Variants in SUN2 observed in about 807,000 individuals in gnomAD.
The protein encoded by SUN2 is Sad1 and UNC84 domain containing 2, also known as SUN domain-containing protein 2.
Under a neutral mutation model 100.0 loss-of-function variants are expected in SUN2, and 60 were observed. That is an observed-to-expected ratio of 0.60 (90% CI 0.49 to 0.74). The LOEUF (loss-of-function observed/expected upper bound fraction) is 0.74. SUN2 is among the 30% of genes least tolerant of loss of function. The pLI is 0.00. For missense variants in SUN2, 834 were observed against 954.6 expected (o/e 0.87, Z 1.66); for synonymous variants, 367 against 403.3 (o/e 0.91, Z 1.08).
intron 6 of SUN2, 110 bp from the exon 7 acceptor site, chr22:38,748,893 A>G: frequency 1.9e-6 from 2 of 1,072,058 alleles, no homozygotes; most frequent in East Asian, 4.8e-5. Context: ...GTGCTGAACT[A>G]GAGCTAAGGA....
Position 38,739,418 on chromosome 22 carries a change from G to C in SUN2, c.1587C>G (p.His529Gln). 1 of 1,613,026 alleles carries C rather than the reference G, an allele frequency of 6.2e-7. No individual in the cohort carries two copies. Among genetic ancestry groups the C allele is most frequent in the Admixed American group, 1.7e-5 (1 of 60,030 alleles). Residue 529 changes from histidine to glutamine, a missense_variant, in exon 14 of 18, where the codon CAC (histidine) becomes CAG (glutamine). His to Gln is a conservative substitution (Grantham distance 24, BLOSUM62 0). Around this residue, in one of 3 missense-constraint regions of SUN2, gnomAD observed 195 missense variants for 280.2 expected, o/e 0.70. Coordinates refer to ENST00000689035, the MANE Select transcript of SUN2 (RefSeq NM_015374.3). The surrounding 1 kb of genome is among the most constrained non-coding windows in gnomAD (Gnocchi z 6.7). ...GCTGCAGGGCCTGCTTCACGATGTG[G>C]TGCACCTGCTGCAATGCAGGCACCA... is the stretch of plus-strand genomic sequence containing the variant. ...GVIGVTEEQV[H>Q]HIVKQALQRY...
At chr22:38,741,440 G>T in intron 10 of SUN2, 54 bp downstream of exon 10, 1 of 1,565,074 alleles carries the variant, frequency 6.4e-7, no homozygotes. Flanking sequence ...AGGTGAACAT[G>T]TTGGATGGGG....
chr22:38,753,242 G>A (rs1331418367), intron 1 of SUN2, among the ~76,000 whole-genome samples: 21 of 131,330 alleles, frequency 1.6e-4, no homozygotes, highest in African/African-American at 6.2e-4. Flanking sequence ...TTGAGATGGA[G>A]TCTCGCGCTG....
chr22:38,748,556 G>A (rs182005332), intron 7 of SUN2, among the ~76,000 whole-genome samples, 157 bp downstream of exon 7: 28 of 152,308 alleles, frequency 1.8e-4, no homozygotes, highest in Admixed American at 3.9e-4. Flanking sequence ...GAGAGGTGGG[G>A]AGGGCCATGC....
chr22:38,749,075 T>G, intron 6 of SUN2: 1 of 373,240 alleles, frequency 2.7e-6, no homozygotes. Flanking sequence ...GTCCTCTAAG[T>G]ATGCAAATAT....
Position 38,747,415 on chromosome 22 carries a change from G to A in SUN2, c.685+1298C>T, listed in dbSNP as rs1350025656. On this transcript the variant is annotated intron_variant, in intron 7 of 17. Transcript: ENST00000689035. ...CACTGGATATGAACCAGCTGTTCTT[G>A]TAGCAGCAAACACAAAAACGAAGCT... 2.7e-4 allele frequency among the ~76,000 whole-genome samples: 41 copies of A among 151,852 alleles called. 1 individual carries two copies. The highest frequency in any genetic ancestry group is 2.7e-3 in the Admixed American group (41 of 15,232).
At chr22:38,741,289 C>T (rs987642392) in intron 10 of SUN2, among the ~76,000 whole-genome samples, 1 of 152,164 alleles carries the variant, frequency 6.6e-6, no homozygotes, top group African/African-American at 2.4e-5. Context: ...CATGACAGGC[C>T]GCTGTGCCCT....
At position 38,739,183 on chromosome 22, in the gene SUN2, C is replaced by T; in HGVS notation, c.1663+159G>A. The T allele has an allele frequency of 1.1e-6, 1 of 932,624 alleles. No homozygotes were observed. Among genetic ancestry groups the T allele is most frequent in the East Asian group, 2.6e-5 (1 of 38,268 alleles). The allele number at this position is 932,624 out of a possible 1,614,324, so 57.8% of individuals were successfully genotyped here. On this transcript the variant is annotated intron_variant, in intron 14 of 17. Coordinates refer to ENST00000689035, the MANE Select transcript of SUN2 (RefSeq NM_015374.3). The surrounding 1 kb of genome is among the most constrained non-coding windows in gnomAD (Gnocchi z 6.7). ...ATGGTACTCGGTACGTCCTGACTTCCCTGAATTGCCACTTGCCTTTGTCAT... is the reference window on the plus strand; with the variant it reads ...ATGGTACTCGGTACGTCCTGACTTCTCTGAATTGCCACTTGCCTTTGTCAT...
Position 38,751,359 on chromosome 22 carries a change from T to A in SUN2, c.137A>T (p.Lys46Ile). Reference sequence around the variant, plus strand: ...GGACAGGCGCTTCATGTTGCTGGATTTCCTCTTCAAGGTCCTGTGGGACAA... The same window carrying A: ...GGACAGGCGCTTCATGTTGCTGGATATCCTCTTCAAGGTCCTGTGGGACAA... Reference protein sequence around the residue: ...KDSPLRTLKRKSSNMKRLSPA... With the variant: ...KDSPLRTLKRISSNMKRLSPA... Residue 46 changes from lysine to isoleucine, a missense_variant, in exon 3 of 18, where the codon AAA (lysine) becomes ATA (isoleucine). Lys to Ile is a moderately radical substitution (Grantham distance 102). Transcript: ENST00000689035. 6.2e-7 allele frequency: 1 copy of A among 1,613,736 alleles called. No homozygotes were observed. The highest frequency in any genetic ancestry group is 1.3e-5 in the African/African-American group (1 of 75,032).
intron 8 of SUN2, among the ~76,000 whole-genome samples, chr22:38,744,824 G>C (rs1042584066): frequency 3.9e-5 from 6 of 152,186 alleles, no homozygotes; most frequent in Non-Finnish European, 5.9e-5. Context: ...TAAATTGTCA[G>C]TATCAGTACC....
At position 38,755,975 on chromosome 22, in the gene SUN2, A is replaced by AGTGGGGCCGGGCGGCGCGCGT. The variant is rs2092982408; in HGVS notation, c.-271_-251dup. The AGTGGGGCCGGGCGGCGCGCGT allele has an allele frequency of 2.0e-6, 2 of 983,388 alleles. No individual in the cohort carries two copies. Among genetic ancestry groups the AGTGGGGCCGGGCGGCGCGCGT allele is most frequent in the Non-Finnish European group, 2.4e-6 (2 of 829,020 alleles). 60.9% of individuals were successfully genotyped at this position (983,388 alleles called of 1,614,324 possible). A position where few individuals can be genotyped will look rare whatever the true frequency, so the allele number is the denominator to read the frequency against. ...GGCCGGCGGAGGCCCGCGCTGCGCG[A>AGTGGGGCCGGGCGGCGCGCGT]GTGGGGCCGGGCGGCGCGCGTGTGG... On this transcript the variant is annotated 5_prime_UTR_variant, in exon 1 of 18. Coordinates refer to ENST00000689035, the MANE Select transcript of SUN2 (RefSeq NM_015374.3). The surrounding 1 kb of genome is among the most constrained non-coding windows in gnomAD (Gnocchi z 5.7).
intron 8 of SUN2, among the ~76,000 whole-genome samples, chr22:38,744,871 G>C (rs547653541): frequency 1.3e-5 from 2 of 152,308 alleles, no homozygotes; most frequent in South Asian, 4.1e-4. Flanking sequence ...CTGACTGCAG[G>C]CTCCTTGAGG....
Position 38,740,219 on chromosome 22 carries a change from CAAAGG to C in SUN2, c.1356+43_1356+47del. ...TTGCAGGCCCCAGGACACGTCGTCT[CAAAGG>C]AGGAGGAGAGGGACCAGCAGGGCCC... On this transcript the variant is annotated intron_variant, in intron 12 of 17. Coordinates refer to ENST00000689035, the MANE Select transcript of SUN2 (RefSeq NM_015374.3). This position sits in a 1 kb window ranked among gnomAD's most constrained non-coding sequence, Gnocchi z 4.8. The C allele has an allele frequency of 6.7e-7, 1 of 1,492,294 alleles. No homozygotes were observed. The allele number at this position is 1,492,294 out of a possible 1,614,324, so 92.4% of individuals were successfully genotyped here.
chr22:38,735,358 G>A lies in SUN2; in HGVS notation c.*909C>T. Reference sequence around the variant, plus strand: ...GACAGACCTCGCACCCCGATACCCTGAACGTCCCCACAAGAGCCCAGGAGT... The same window carrying A: ...GACAGACCTCGCACCCCGATACCCTAAACGTCCCCACAAGAGCCCAGGAGT... On this transcript the variant is annotated 3_prime_UTR_variant, in exon 18 of 18. Transcript: ENST00000689035. 1 of 399,618 alleles carries A rather than the reference G, an allele frequency of 2.5e-6. No individual in the cohort carries two copies. Among genetic ancestry groups the A allele is most frequent in the Non-Finnish European group, 4.9e-6 (1 of 202,852 alleles). 24.8% of individuals were successfully genotyped at this position (399,618 alleles called of 1,614,324 possible). A position where few individuals can be genotyped will look rare whatever the true frequency, so the allele number is the denominator to read the frequency against.
chr22:38,747,585 C>T (rs753562262), intron 7 of SUN2, among the ~76,000 whole-genome samples: 2 of 152,170 alleles, frequency 1.3e-5, no homozygotes, highest in Non-Finnish European at 2.9e-5. Context: ...CTGAGAGTCA[C>T]ATAGGCAATT....
rs1264903354 is a variant in SUN2, at chr22:38,736,367, GC to G, written c.2053del (p.Ala685ProfsTer11). On this transcript the variant is annotated frameshift_variant, in exon 18 of 18. Transcript: ENST00000689035. LOFTEE classifies it high-confidence loss of function. Reference sequence around the variant, plus strand: ...CCGCAGCTCCACCACCTGGTACGTGGCCATCGTAGGGGCCTGGGTAGAGAAG... The same window carrying G: ...CCGCAGCTCCACCACCTGGTACGTGGCATCGTAGGGGCCTGGGTAGAGAAG... Reference protein sequence around the residue: ...QTFHFQAPTMATYQVVELRIL... With the variant: ...QTFHFQAPTMXTYQVVELRIL... 6.2e-7 allele frequency: 1 copy of G among 1,613,404 alleles called. No individual in the cohort carries two copies. The highest frequency in any genetic ancestry group is 1.3e-5 in the African/African-American group (1 of 74,924).
At chr22:38,752,316 G>A (rs1199891754) in intron 2 of SUN2, among the ~76,000 whole-genome samples, 191 bp downstream of exon 2, 1 of 152,246 alleles carries the variant, frequency 6.6e-6, no homozygotes, top group Non-Finnish European at 1.5e-5. Context: ...GGTGGGAGAA[G>A]AATGGGTGCT....
chr22:38,752,458 A>C (rs1376419981), intron 2 of SUN2, 49 bp downstream of exon 2: 1 of 1,567,206 alleles, frequency 6.4e-7, no homozygotes. Context: ...GGCAGTGACC[A>C]AAAGCTTGTG....
chr22:38,755,966 C>T lies in SUN2; in HGVS notation c.-241G>A, dbSNP rs2092982327. The T allele has an allele frequency of 2.0e-6, 2 of 983,082 alleles. No homozygotes were observed. Among genetic ancestry groups the T allele is most frequent in the South Asian group, 9.4e-5 (2 of 21,294 alleles). 60.9% of individuals were successfully genotyped at this position (983,082 alleles called of 1,614,324 possible). On this transcript the variant is annotated 5_prime_UTR_variant, in exon 1 of 18. Coordinates refer to ENST00000689035, the MANE Select transcript of SUN2 (RefSeq NM_015374.3). The surrounding 1 kb of genome is among the most constrained non-coding windows in gnomAD (Gnocchi z 5.7). Reference sequence around the variant, plus strand: ...GGACAATGCGGCCGGCGGAGGCCCGCGCTGCGCGAGTGGGGCCGGGCGGCG... The same window carrying T: ...GGACAATGCGGCCGGCGGAGGCCCGTGCTGCGCGAGTGGGGCCGGGCGGCG...
Sources: gnomAD v4.1 joint callset for allele counts (sites outside exome capture counted in the v4.1 genomes callset) on GRCh38, gnomAD v4.1.1 for gene constraint, gnomAD v4.1.1 regional missense constraint, Gnocchi (gnomAD v3.1) non-coding constraint, MANE v1.5 for transcripts, NCBI Gene and HGNC (gene_info 2026-07-23, HGNC 2026-07-21) for gene names.